Variants in KNL1 observed in about 807,000 individuals in gnomAD.
The protein encoded by KNL1 is kinetochore scaffold 1.
KNL1 carries 66 observed loss-of-function variants against 201.3 expected under a neutral mutation model. The observed-to-expected ratio is 0.33, with a 90% confidence interval of 0.27 to 0.40. The LOEUF (loss-of-function observed/expected upper bound fraction) is 0.40. KNL1 is among the 10% of genes least tolerant of loss of function. The pLI, the probability that KNL1 is intolerant of heterozygous loss-of-function variation, is 1.00. For synonymous variants in KNL1, 895 were observed against 899.2 expected (o/e 1.00, Z 0.08); for missense variants, 2,815 against 2,690.5 (o/e 1.05, Z -1.02).
chr15:40,617,392 C>T (rs1473975261), intron 8 of KNL1, among the ~76,000 whole-genome samples: 1 of 152,138 alleles, frequency 6.6e-6, no homozygotes, highest in Non-Finnish European at 1.5e-5. Flanking sequence ...CTGCTCAGTC[C>T]ATGACAGAAA....
At chr15:40,658,033 C>T (rs566316730) in intron 24 of KNL1, among the ~76,000 whole-genome samples, 4 of 150,230 alleles carry the variant, frequency 2.7e-5, no homozygotes, top group South Asian at 4.2e-4. Flanking sequence ...TTTGGGAGGC[C>T]GAGGTGGGCG....
rs569863601 is a variant in KNL1 at position 40,598,188 on chromosome 15, G to T, written c.-18+3796G>T. ...AAACTCCGTCTCAAAAAAAAAAAAA[G>T]AAAAAGAAAAAAAAAGAAAATATTT... On this transcript the variant is annotated intron_variant, in intron 1 of 25. Transcript: ENST00000399668. 1.5e-4 allele frequency among the ~76,000 whole-genome samples: 23 copies of T among 149,284 alleles called. No homozygotes were observed. The East Asian group carries it at 4.5e-3, about 29-fold the overall frequency.
At chr15:40,648,118 A>G (rs1239156313) in intron 17 of KNL1, among the ~76,000 whole-genome samples, 2 of 152,214 alleles carry the variant, frequency 1.3e-5, no homozygotes, top group Non-Finnish European at 2.9e-5. Flanking sequence ...AAGGTAGCTT[A>G]TAATCATTTC....
At chr15:40,596,729 G>A (rs1595909731) in intron 1 of KNL1, among the ~76,000 whole-genome samples, 1 of 151,772 alleles carries the variant, frequency 6.6e-6, no homozygotes, top group Non-Finnish European at 1.5e-5. Flanking sequence ...GGCCGGGCAC[G>A]GTGGCTCACA....
At position 40,624,763 on chromosome 15, in the gene KNL1, C is replaced by T. The variant is rs776228060; in HGVS notation, c.4499C>T (p.Ala1500Val). 6.2e-7 allele frequency: 1 copy of T among 1,613,840 alleles called. No homozygotes were observed. Among genetic ancestry groups the T allele is most frequent in the South Asian group, 1.1e-5 (1 of 91,062 alleles). ...PKILNSEEWF[A>V]AACKKELKEN... is the part of the protein sequence containing the mutation. ...ATACTCAATAGTGAGGAATGGTTTGCTGCAGCCTGTAAAAAAGAACTGAAG... is the reference window on the plus strand; with the variant it reads ...ATACTCAATAGTGAGGAATGGTTTGTTGCAGCCTGTAAAAAAGAACTGAAG... Residue 1500 changes from alanine (A) to valine (V), a missense_variant, in exon 10 of 26, where the codon GCT (alanine) becomes GTT (valine). Around this residue, in one of 3 missense-constraint regions of KNL1, gnomAD observed 2,464 missense variants for 2,291.7 expected, o/e 1.08. Transcript: ENST00000399668.
intron 1 of KNL1, among the ~76,000 whole-genome samples, chr15:40,595,391 C>G (rs1018447955): frequency 1.2e-4 from 18 of 152,112 alleles, no homozygotes; most frequent in Admixed American, 1.2e-3. Context: ...TGGAGAAGAC[C>G]GCATTTGAGG....
chr15:40,607,497 G>A (rs959726902), intron 4 of KNL1, among the ~76,000 whole-genome samples: 2 of 152,102 alleles, frequency 1.3e-5, no homozygotes, highest in Middle Eastern at 3.4e-3. Flanking sequence ...TTATGGTTAG[G>A]TATTCAGAAT....
chr15:40,624,130 G>A lies in KNL1; in HGVS notation c.3866G>A (p.Ser1289Asn), dbSNP rs1309373454. ...NRDRRNVDFTSSHATAVCGSS... is the reference protein window; with the variant it reads ...NRDRRNVDFTNSHATAVCGSS... Reference sequence around the variant, plus strand: ...GATAGAAGAAATGTGGACTTTACAAGTAGTCATGCAACTGCTGTTTGTGGA... The same window carrying A: ...GATAGAAGAAATGTGGACTTTACAAATAGTCATGCAACTGCTGTTTGTGGA... The change falls in exon 10 of 26, where the codon AGT becomes AAT. Residue 1289 changes from serine (S) to asparagine (N), a missense_variant. By Grantham distance (46) the Ser-to-Asn change is conservative. Around this residue, in one of 3 missense-constraint regions of KNL1, gnomAD observed 2,464 missense variants for 2,291.7 expected, o/e 1.08. Coordinates refer to ENST00000399668, the MANE Select transcript of KNL1 (RefSeq NM_144508.5). The A allele has an allele frequency of 2.5e-6, 4 of 1,613,930 alleles. No homozygotes were observed. The African/African-American group carries it at 5.3e-5, about 22-fold the overall frequency.
At chr15:40,620,610 C>T (rs1488985609) in intron 9 of KNL1, 30 bp from the exon 10 acceptor site, 1 of 1,420,434 alleles carries the variant, frequency 7.0e-7, no homozygotes, top group Admixed American at 2.4e-5. Flanking sequence ...TGCTTTTGTT[C>T]TGATCTCTTA....
intron 1 of KNL1, among the ~76,000 whole-genome samples, chr15:40,596,408 C>T (rs1269748943): frequency 6.6e-6 from 1 of 152,104 alleles, no homozygotes; most frequent in South Asian, 2.1e-4. Context: ...TCCGCAGTAA[C>T]TGGGATTATA....
Position 40,620,829 on chromosome 15 carries a change from C to T in KNL1, c.565C>T (p.His189Tyr). ...TTSFLANLKL[H>Y]TEDSRMKKEV... is the part of the protein sequence containing the mutation. ...ATCATTTCTAGCTAATTTAAAGCTT[C>T]ACACCGAGGACTCAAGAATGAAAAA... is the stretch of plus-strand genomic sequence containing the variant. The change falls in exon 10 of 26, where the codon CAC becomes TAC. Residue 189 changes from histidine (H) to tyrosine (Y), a missense_variant. His to Tyr is a moderately conservative substitution (Grantham distance 83). This residue lies in a region of KNL1 where 2,464 missense variants were observed against 2,291.7 expected (regional missense o/e 1.08). Transcript: ENST00000399668. The T allele has an allele frequency of 6.2e-7, 1 of 1,605,388 alleles. No individual in the cohort carries two copies. The highest frequency in any genetic ancestry group is 2.2e-5 in the East Asian group (1 of 44,802).
chr15:40,657,013 T>C (rs1893753574), intron 22 of KNL1, 29 bp from the exon 23 acceptor site: 1 of 1,113,898 alleles, frequency 9.0e-7, no homozygotes, highest in East Asian at 2.6e-5. Flanking sequence ...AGTAATAACC[T>C]GCTTTTGCTT....
intron 13 of KNL1, among the ~76,000 whole-genome samples, chr15:40,629,862 A>G (rs138905778): frequency 1.1e-4 from 16 of 152,234 alleles, no homozygotes; most frequent in East Asian, 3.9e-4. Context: ...AAATTTTCAC[A>G]TGGATTTTTT....
intron 7 of KNL1, among the ~76,000 whole-genome samples, chr15:40,614,017 C>T (rs1050496490): frequency 4.0e-5 from 6 of 151,676 alleles, no homozygotes; most frequent in African/African-American, 1.5e-4. Context: ...CCAGGATGGT[C>T]TCAATTTCCT....
At chr15:40,615,536 A>T (rs979862610) in intron 8 of KNL1, 158 bp downstream of exon 8, 8 of 254,432 alleles carry the variant, frequency 3.1e-5, no homozygotes, top group South Asian at 5.7e-5. Context: ...TGGCAGGCTG[A>T]GGCAGGCAGA....
intron 4 of KNL1, among the ~76,000 whole-genome samples, chr15:40,608,412 C>T (rs920682424): frequency 8.1e-5 from 11 of 136,286 alleles, no homozygotes; most frequent in African/African-American, 2.5e-4. Flanking sequence ...CCAGCCTGGG[C>T]GACAGAACAA....
At chr15:40,617,474 T>C (rs1892378157) in intron 8 of KNL1, among the ~76,000 whole-genome samples, 1 of 152,200 alleles carries the variant, frequency 6.6e-6, no homozygotes, top group Non-Finnish European at 1.5e-5. Flanking sequence ...ACTTTTTTCC[T>C]AGCAATTATT....
chr15:40,628,736 C>G, intron 12 of KNL1, 58 bp downstream of exon 12: 3 of 1,100,786 alleles, frequency 2.7e-6, no homozygotes, highest in Non-Finnish European at 4.0e-6. Flanking sequence ...TTAAACGTCT[C>G]ATTTCTAATA....
chr15:40,636,782 A>G (rs1407381673), intron 13 of KNL1, among the ~76,000 whole-genome samples: 4 of 152,186 alleles, frequency 2.6e-5, no homozygotes, highest in African/African-American at 9.7e-5. Context: ...ATGAGCTGAC[A>G]TCGCGCCACT....
Sources: gnomAD v4.1 joint callset for allele counts (sites outside exome capture counted in the v4.1 genomes callset) on GRCh38, gnomAD v4.1.1 for gene constraint, gnomAD v4.1.1 regional missense constraint, MANE v1.5 for transcripts, NCBI Gene and HGNC (gene_info 2026-07-23, HGNC 2026-07-21) for gene names.